EFNA5: variants seen among roughly 807,000 people sequenced by gnomAD.
EFNA5 encodes the protein ephrin-A5.
Under a neutral mutation model 22.9 loss-of-function variants are expected in EFNA5, and 5 were observed. That is an observed-to-expected ratio of 0.22 (90% confidence interval 0.11 to 0.46). The LOEUF is 0.46. EFNA5 is among the 20% of genes least tolerant of loss of function. The probability of loss-of-function intolerance (pLI) is 0.99; values close to 1 mark genes in which losing one functional copy is unlikely to be tolerated. For missense variants in EFNA5, 237 were observed against 293.3 expected (o/e 0.81, Z 1.40); for synonymous variants, 113 against 112.2 (o/e 1.01, Z -0.04).
At chr5:107,526,793 T>C (rs1367265996) in intron 1 of EFNA5, among the ~76,000 whole-genome samples, 2 of 152,120 alleles carry the variant, frequency 1.3e-5, no homozygotes, top group Admixed American at 6.5e-5. Flanking sequence ...GAGGACAAAA[T>C]GTAAGTGCAA....
rs918312278 is a variant in EFNA5, at chr5:107,482,800, C to G, written c.126-55291G>C. ...TAACCTCTTTCTTTTTGGCTGCTCT[C>G]TCTCTCTCTCTCTGTCTCTCTCTCT... On this transcript the variant is annotated intron_variant, in intron 1 of 4. Transcript: ENST00000333274. Among the ~76,000 whole-genome samples, 7 of 98,748 alleles carry G rather than the reference C, an allele frequency of 7.1e-5. No individual in the cohort carries two copies. The East Asian group carries it at 4.2e-3, about 59-fold the overall frequency. 64.8% of individuals were successfully genotyped at this position (98,748 alleles called of 152,430 possible).
intron 1 of EFNA5, among the ~76,000 whole-genome samples, chr5:107,569,315 T>C (rs572755374): frequency 3.6e-4 from 54 of 149,422 alleles, no homozygotes; most frequent in Non-Finnish European, 6.4e-4. Context: ...TAAAAAGATA[T>C]TAAATGTATT....
Position 107,487,893 on chromosome 5 carries a change from G to A in EFNA5, c.126-60384C>T, listed in dbSNP as rs143223618. Among the ~76,000 whole-genome samples, 793 of 152,340 alleles carry A rather than the reference G, an allele frequency of 5.2e-3. 6 individuals are homozygous for A. Among genetic ancestry groups the A allele is most frequent in the Non-Finnish European group, 4.2e-3 (284 of 68,032 alleles). On this transcript the variant is annotated intron_variant, in intron 1 of 4. Transcript: ENST00000333274. Reference sequence around the variant, plus strand: ...TTACAAAGATTACTCCCTATGCGATGAGGCTGGATAGACCAGCTAGCAGAC... The same window carrying A: ...TTACAAAGATTACTCCCTATGCGATAAGGCTGGATAGACCAGCTAGCAGAC...
chr5:107,599,740 G>T (rs1360643330), intron 1 of EFNA5, among the ~76,000 whole-genome samples: 2 of 152,188 alleles, frequency 1.3e-5, no homozygotes, highest in African/African-American at 4.8e-5. Flanking sequence ...TTAGGAATTT[G>T]ATGAGAAAAG....
intron 1 of EFNA5, among the ~76,000 whole-genome samples, chr5:107,547,509 C>T (rs573387737): frequency 1.9e-4 from 28 of 149,988 alleles, no homozygotes; most frequent in African/African-American, 5.9e-4. Context: ...AAAATGTTAG[C>T]GTAAGACACT....
At chr5:107,596,227 C>G (rs1749470065) in intron 1 of EFNA5, among the ~76,000 whole-genome samples, 1 of 152,158 alleles carries the variant, frequency 6.6e-6, no homozygotes, top group African/African-American at 2.4e-5. Context: ...TCCAACACAT[C>G]TCTGAAACAT....
intron 1 of EFNA5, among the ~76,000 whole-genome samples, chr5:107,579,310 T>TA (rs1319651993): frequency 6.6e-6 from 1 of 152,176 alleles, no homozygotes; most frequent in Non-Finnish European, 1.5e-5. Context: ...TTTCCAGAGC[T>TA]AAGAGAATGA....
At chr5:107,544,420 T>G (rs550320883) in intron 1 of EFNA5, among the ~76,000 whole-genome samples, 4 of 152,294 alleles carry the variant, frequency 2.6e-5, no homozygotes, top group Non-Finnish European at 5.9e-5. Flanking sequence ...GCATTTTTTT[T>G]TGTGAGTAAC....
intron 1 of EFNA5, among the ~76,000 whole-genome samples, chr5:107,625,092 C>T (rs931830387): frequency 7.2e-5 from 11 of 152,156 alleles, no homozygotes; most frequent in East Asian, 1.9e-4. Context: ...TTGAAAGTAG[C>T]GGAAACTCAC....
intron 1 of EFNA5, among the ~76,000 whole-genome samples, chr5:107,660,261 CATATATATATATATATATATATATATAT>C (rs56838945): frequency 0.011 from 602 of 52,454 alleles, 24 homozygotes; most frequent in African/African-American, 0.032. Flanking sequence ...ATGGCAAAAA[CATATATATATATATATATATATATATAT>C]ATATATATAT....
intron 1 of EFNA5, among the ~76,000 whole-genome samples, chr5:107,565,558 T>C (rs897288179): frequency 6.6e-6 from 1 of 152,230 alleles, no homozygotes; most frequent in African/African-American, 2.4e-5. Flanking sequence ...TACATTATGT[T>C]TTCATCATTT....
chr5:107,453,062 C>T (rs1013539937), intron 1 of EFNA5, among the ~76,000 whole-genome samples: 3 of 152,052 alleles, frequency 2.0e-5, no homozygotes, highest in Non-Finnish European at 4.4e-5. Context: ...GATCTTCTGG[C>T]TTCTTTCTAA....
rs143430489 is a variant in EFNA5 at position 107,417,320 on chromosome 5, G to A, written c.418+9897C>T. Among the ~76,000 whole-genome samples the A allele has an allele frequency of 3.9e-5, 6 of 152,060 alleles. No individual in the cohort carries two copies. In the South Asian group the frequency reaches 8.3e-4, roughly 21 times the overall value. Reference sequence around the variant, plus strand: ...CAATTCATGATATTTTACTTTTGAGGCTCAGAATGAATTAATTTTTTTGTG... The same window carrying A: ...CAATTCATGATATTTTACTTTTGAGACTCAGAATGAATTAATTTTTTTGTG... On this transcript the variant is annotated intron_variant, in intron 2 of 4. Coordinates refer to ENST00000333274, the MANE Select transcript of EFNA5 (RefSeq NM_001962.3).
intron 2 of EFNA5, 39 bp from the exon 3 acceptor site, chr5:107,387,810 A>C (rs1416029782): frequency 7.1e-7 from 1 of 1,414,396 alleles, no homozygotes; most frequent in East Asian, 2.3e-5. Flanking sequence ...AAGAAAGAAG[A>C]GAACAACAAC....
At chr5:107,659,695 T>C (rs1173230620) in intron 1 of EFNA5, among the ~76,000 whole-genome samples, 3 of 151,884 alleles carry the variant, frequency 2.0e-5, no homozygotes, top group Non-Finnish European at 4.4e-5. Flanking sequence ...AAAAATAATT[T>C]GCAAAAGACG....
chr5:107,641,265 C>A (rs1750503642), intron 1 of EFNA5, among the ~76,000 whole-genome samples: 1 of 151,120 alleles, frequency 6.6e-6, no homozygotes, highest in Non-Finnish European at 1.5e-5. Flanking sequence ...GGCTGAGGAG[C>A]AGGAATCACT....
rs1189412219 is a variant in EFNA5 at position 107,600,410 on chromosome 5, T to C, written c.125+70079A>G. Among the ~76,000 whole-genome samples the C allele has an allele frequency of 2.0e-5, 3 of 152,136 alleles. No homozygotes were observed. In the South Asian group the frequency reaches 6.2e-4, roughly 32 times the overall value. ...GCCACTGATGACTATTCACTAACGA[T>C]TACAACCTAATATACTGTGGTAGCC... On this transcript the variant is annotated intron_variant, in intron 1 of 4. Coordinates refer to ENST00000333274, the MANE Select transcript of EFNA5 (RefSeq NM_001962.3).
At chr5:107,540,461 T>G (rs970907341) in intron 1 of EFNA5, among the ~76,000 whole-genome samples, 6 of 152,204 alleles carry the variant, frequency 3.9e-5, no homozygotes, top group African/African-American at 1.2e-4. Context: ...GATTATCTGC[T>G]AACTTTCTGC....
chr5:107,613,956 T>C (rs1749868024), intron 1 of EFNA5, among the ~76,000 whole-genome samples: 1 of 152,122 alleles, frequency 6.6e-6, no homozygotes, highest in Non-Finnish European at 1.5e-5. Flanking sequence ...ATAATTAAAC[T>C]GACATGAAAA....
Sources: gnomAD v4.1 joint callset for allele counts (sites outside exome capture counted in the v4.1 genomes callset) on GRCh38, gnomAD v4.1.1 for gene constraint, MANE v1.5 for transcripts, NCBI Gene and HGNC (gene_info 2026-07-23, HGNC 2026-07-21) for gene names.